The following SPSB4 variants were observed in gnomAD, a reference collection of about 807,000 sequenced individuals.
SPSB4 encodes splA/ryanodine receptor domain and SOCS box containing 4, also known as SPRY domain-containing SOCS box protein 4.
Under a neutral mutation model 20.9 loss-of-function variants are expected in SPSB4, and 21 were observed. The ratio of observed to expected loss-of-function variants is 1.01; its 90% CI spans 0.71 to 1.45. SPSB4 has a LOEUF of 1.45. Among genes scored for constraint, SPSB4 ranks in the 40% most tolerant of loss-of-function variants. The pLI, the probability that SPSB4 is intolerant of heterozygous loss-of-function variation, is 0.00. For synonymous variants in SPSB4, 207 were observed against 183.8 expected (o/e 1.13, Z -1.02); for missense variants, 399 against 399.2 (o/e 1.00, Z 0.00).
intron 2 of SPSB4, among the ~76,000 whole-genome samples, chr3:141,116,538 C>T (rs1015744768): frequency 2.0e-5 from 3 of 152,148 alleles, no homozygotes; most frequent in Non-Finnish European, 4.4e-5. Flanking sequence ...AGAGTGCATC[C>T]CAGACCATGT....
intron 2 of SPSB4, among the ~76,000 whole-genome samples, chr3:141,069,683 C>T (rs1053971230): frequency 6.6e-6 from 1 of 152,174 alleles, no homozygotes. Flanking sequence ...ATTGCCTCCT[C>T]TTTCTGAACT....
At chr3:141,078,552 C>G (rs1052249764) in intron 2 of SPSB4, among the ~76,000 whole-genome samples, 1 of 152,186 alleles carries the variant, frequency 6.6e-6, no homozygotes, top group Non-Finnish European at 1.5e-5. Flanking sequence ...ACCTGAAGAT[C>G]CTTTCCATCA....
At chr3:141,103,829 C>A (rs896914607) in intron 2 of SPSB4, among the ~76,000 whole-genome samples, 2 of 151,260 alleles carry the variant, frequency 1.3e-5, no homozygotes, top group African/African-American at 2.5e-5. Flanking sequence ...CCAAAAATGA[C>A]CTTTTTTTTT....
intron 2 of SPSB4, among the ~76,000 whole-genome samples, chr3:141,097,170 A>G (rs1451162904): frequency 2.6e-5 from 4 of 152,162 alleles, no homozygotes; most frequent in East Asian, 1.9e-4. Flanking sequence ...ATGTGACCCA[A>G]TGTCCCTCTG....
chr3:141,053,943 C>CT (rs1014219805), intron 1 of SPSB4, among the ~76,000 whole-genome samples: 2 of 152,132 alleles, frequency 1.3e-5, no homozygotes, highest in Admixed American at 6.5e-5. Flanking sequence ...ACCCACCCTC[C>CT]TAGCCTTCTT....
intron 1 of SPSB4, among the ~76,000 whole-genome samples, chr3:141,054,017 T>C (rs1203274268): frequency 1.3e-5 from 2 of 152,196 alleles, no homozygotes. Flanking sequence ...ATACTTTTCC[T>C]CCTAGTTTTT....
At chr3:141,132,974 C>T (rs1012149624) in intron 2 of SPSB4, among the ~76,000 whole-genome samples, 3 of 152,020 alleles carry the variant, frequency 2.0e-5, no homozygotes, top group South Asian at 2.1e-4. Context: ...TATTTTTTGA[C>T]GTCTGTTATT....
At chr3:141,117,388 A>C (rs543829655) in intron 2 of SPSB4, among the ~76,000 whole-genome samples, 17 of 152,326 alleles carry the variant, frequency 1.1e-4, no homozygotes, top group African/African-American at 3.8e-4. Flanking sequence ...CCAAGCAGGC[A>C]AGAGTGACTC....
chr3:141,122,558 C>T (rs1938985609), intron 2 of SPSB4, among the ~76,000 whole-genome samples: 1 of 152,246 alleles, frequency 6.6e-6, no homozygotes, highest in African/African-American at 2.4e-5. Flanking sequence ...GCAGGCCTTG[C>T]TGAGCTGTGG....
At chr3:141,082,152 G>C (rs1258314573) in intron 2 of SPSB4, among the ~76,000 whole-genome samples, 1 of 152,200 alleles carries the variant, frequency 6.6e-6, no homozygotes, top group Non-Finnish European at 1.5e-5. Flanking sequence ...ACACATGTGT[G>C]CATCTGGCTG....
chr3:141,080,716 G>A (rs1237805740), intron 2 of SPSB4, among the ~76,000 whole-genome samples: 1 of 152,232 alleles, frequency 6.6e-6, no homozygotes, highest in African/African-American at 2.4e-5. Flanking sequence ...GGAGAGAAGT[G>A]GTGAATTGTG....
At position 141,147,370 on chromosome 3, in the gene SPSB4, C is replaced by A; in HGVS notation, c.*101C>A. On this transcript the variant is annotated 3_prime_UTR_variant, in exon 3 of 3. Coordinates refer to ENST00000310546, the MANE Select transcript of SPSB4 (RefSeq NM_080862.3). ...CACATAGGGGAAAGGATCTACCCTT[C>A]TCCTGGCTCCCCAGGACACTCAGTT... The A allele has an allele frequency of 6.5e-7, 1 of 1,544,030 alleles. No individual in the cohort carries two copies. Among genetic ancestry groups the A allele is most frequent in the Non-Finnish European group, 8.8e-7 (1 of 1,139,498 alleles).
intron 2 of SPSB4, among the ~76,000 whole-genome samples, chr3:141,100,394 A>T (rs1403100285): frequency 6.6e-6 from 1 of 152,160 alleles, no homozygotes; most frequent in Non-Finnish European, 1.5e-5. Flanking sequence ...CACAAGAAGA[A>T]CGCCCTGTGA....
chr3:141,057,115 GCTCT>G (rs1937664343), intron 1 of SPSB4, among the ~76,000 whole-genome samples: 1 of 152,212 alleles, frequency 6.6e-6, no homozygotes, highest in Non-Finnish European at 1.5e-5. Context: ...TGGACAGATG[GCTCT>G]CTTTGTGAGC....
At chr3:141,112,637 T>A in intron 2 of SPSB4, among the ~76,000 whole-genome samples, 2 of 65,388 alleles carry the variant, frequency 3.1e-5, no homozygotes, top group Admixed American at 2.1e-4. Flanking sequence ...AGAGCGAGAC[T>A]CCGTCTCAAA....
chr3:141,101,091 T>C (rs1214479392), intron 2 of SPSB4, among the ~76,000 whole-genome samples: 1 of 152,132 alleles, frequency 6.6e-6, no homozygotes, highest in African/African-American at 2.4e-5. Context: ...GTACGAGTTG[T>C]CATGGGTGAA....
At chr3:141,056,268 C>T (rs115382750) in intron 1 of SPSB4, among the ~76,000 whole-genome samples, 5,824 of 152,286 alleles carry the variant, frequency 0.038, 369 homozygotes, top group African/African-American at 0.13. Context: ...GGCCTTGGCC[C>T]GGTTTACTGG....
chr3:141,105,384 T>G lies in SPSB4; in HGVS notation c.694+38586T>G, dbSNP rs1006031042. Among the ~76,000 whole-genome samples the G allele has an allele frequency of 2.0e-5, 3 of 152,204 alleles. No individual in the cohort carries two copies. The South Asian group carries it at 6.2e-4, about 32-fold the overall frequency. ...CCCATTTCTTACTGCCCATGGCCTA[T>G]AATTTCATTGGTAGATCTGCTTCCC... On this transcript the variant is annotated intron_variant, in intron 2 of 2. Transcript: ENST00000310546.
At chr3:141,118,823 G>A (rs1053984190) in intron 2 of SPSB4, among the ~76,000 whole-genome samples, 5 of 152,154 alleles carry the variant, frequency 3.3e-5, no homozygotes, top group Admixed American at 6.5e-5. Context: ...TTATTTCTGA[G>A]TCCTCTGTTC....
Sources: allele counts gnomAD v4.1 joint callset (sites outside exome capture counted in the v4.1 genomes callset), GRCh38; gene constraint gnomAD v4.1.1; transcripts MANE v1.5; gene names NCBI Gene and HGNC (gene_info 2026-07-23, HGNC 2026-07-21).